NLRC5: variants seen among roughly 807,000 people sequenced by gnomAD.
The protein encoded by NLRC5 is NLR family CARD domain containing 5.
A neutral mutation model predicts 206.9 loss-of-function variants in NLRC5; 114 were observed. The observed-to-expected ratio is 0.55, with a 90% CI of 0.47 to 0.64. The LOEUF (loss-of-function observed/expected upper bound fraction) is 0.64, where lower values mean the gene tolerates loss of function less well. NLRC5 is among the 30% of genes least tolerant of loss of function. The pLI is 0.00. For synonymous variants in NLRC5, 952 were observed against 962.8 expected (o/e 0.99, Z 0.21); for missense variants, 2,008 against 2,305.5 (o/e 0.87, Z 2.64).
chr16:57,038,613 C>T (rs572473606), intron 15 of NLRC5, among the ~76,000 whole-genome samples: 1 of 151,880 alleles, frequency 6.6e-6, no homozygotes, highest in South Asian at 2.1e-4. Flanking sequence ...TATAATAAAG[C>T]TTTTCAAGAT....
At chr16:57,036,234 C>A in intron 14 of NLRC5, 51 bp downstream of exon 14, 1 of 1,554,048 alleles carries the variant, frequency 6.4e-7, no homozygotes. Flanking sequence ...TGTAGAGCCC[C>A]AGGAGGTCCC....
chr16:56,993,999 A>T (rs2057289924), intron 1 of NLRC5, among the ~76,000 whole-genome samples: 1 of 150,748 alleles, frequency 6.6e-6, no homozygotes, highest in Admixed American at 6.6e-5. Context: ...TGACATTTTA[A>T]TTCTTCCAAT....
chr16:57,025,913 G>T lies in NLRC5; in HGVS notation c.970G>T (p.Val324Phe). The T allele has an allele frequency of 6.2e-7, 1 of 1,614,202 alleles. No individual in the cohort carries two copies. Among genetic ancestry groups the T allele is most frequent in the Non-Finnish European group, 8.5e-7 (1 of 1,180,042 alleles). ...QPMGPDGPGP[V>F]LTLFSHLCNG... ...TATGGGTCCTGATGGCCCAGGCCCA[G>T]TCCTCACCCTTTTCTCCCATCTCTG... The change falls in exon 6 of 49, where the codon GTC (valine) becomes TTC (phenylalanine). Residue 324 changes from valine (V) to phenylalanine (F), a missense_variant. By Grantham distance (50) the Val-to-Phe change is conservative. Coordinates refer to ENST00000688547, the MANE Select transcript of NLRC5 (RefSeq NM_001384950.1).
At chr16:57,068,587 T>G (rs1241189551) in intron 36 of NLRC5, among the ~76,000 whole-genome samples, 1 of 152,218 alleles carries the variant, frequency 6.6e-6, no homozygotes, top group African/African-American at 2.4e-5. Flanking sequence ...TCATGTCCCT[T>G]TACCCGTTAA....
intron 3 of NLRC5, 83 bp from the exon 4 acceptor site, chr16:57,022,173 C>T: frequency 8.5e-7 from 1 of 1,174,990 alleles, no homozygotes; most frequent in Non-Finnish European, 1.2e-6. Context: ...TGAGATGAGC[C>T]CTGAGCCAGG....
At chr16:56,993,693 T>C (rs1160235697) in intron 1 of NLRC5, among the ~76,000 whole-genome samples, 2 of 152,204 alleles carry the variant, frequency 1.3e-5, no homozygotes, top group African/African-American at 4.8e-5. Context: ...TTTTCAAATA[T>C]TTAAGAGTCA....
intron 23 of NLRC5, 58 bp from the exon 24 acceptor site, chr16:57,051,480 G>A (rs751586545): frequency 1.9e-5 from 25 of 1,305,964 alleles, no homozygotes; most frequent in Non-Finnish European, 2.4e-5. Context: ...CTATGAGGCC[G>A]TGCTCCCTGC....
Position 57,021,054 on chromosome 16 carries a change from G to A in NLRC5, c.295+47G>A, listed in dbSNP as rs111249602. 313 of 1,578,956 alleles carry A rather than the reference G, an allele frequency of 2.0e-4. 1 individual carries two copies. The highest frequency in any genetic ancestry group is 5.2e-4 in the Middle Eastern group (3 of 5,822). ...GCAAAGCAGCCGGGCCAGTACCTGCGTCATGGGGAGCCGGGAGGAGCCCAG... is the reference window on the plus strand; with the variant it reads ...GCAAAGCAGCCGGGCCAGTACCTGCATCATGGGGAGCCGGGAGGAGCCCAG... On this transcript the variant is annotated intron_variant, in intron 3 of 48. Coordinates refer to ENST00000688547, the MANE Select transcript of NLRC5 (RefSeq NM_001384950.1).
At chr16:57,027,463 T>G (rs138967785) in intron 6 of NLRC5, among the ~76,000 whole-genome samples, 5 of 152,374 alleles carry the variant, frequency 3.3e-5, no homozygotes, top group Non-Finnish European at 4.4e-5. Flanking sequence ...AAAGGCTCAG[T>G]GTGCATATTA....
intron 39 of NLRC5, among the ~76,000 whole-genome samples, chr16:57,074,935 C>A (rs1438272869): frequency 6.7e-6 from 1 of 149,998 alleles, no homozygotes; most frequent in Non-Finnish European, 1.5e-5. Flanking sequence ...GGCACACACA[C>A]AGTTCACCCT....
At chr16:57,081,823 C>T (rs2069185817) in intron 48 of NLRC5, among the ~76,000 whole-genome samples, 1 of 152,222 alleles carries the variant, frequency 6.6e-6, no homozygotes, top group Non-Finnish European at 1.5e-5. Context: ...CATAACTCAA[C>T]CTCTCTGAAC....
chr16:57,067,269 G>A (rs1597425887), intron 34 of NLRC5, 118 bp from the exon 35 acceptor site: 6 of 817,714 alleles, frequency 7.3e-6, no homozygotes, highest in Middle Eastern at 4.7e-4. Context: ...GCAAACTGTA[G>A]GACTTCATTT....
chr16:57,019,704 C>A (rs1184237651), intron 2 of NLRC5, among the ~76,000 whole-genome samples: 1 of 152,182 alleles, frequency 6.6e-6, no homozygotes, highest in Non-Finnish European at 1.5e-5. Flanking sequence ...GAAGAATAGA[C>A]AACATTTCTA....
intron 1 of NLRC5, chr16:56,990,822 C>G (rs2056730608): frequency 6.6e-6 from 1 of 152,074 alleles, no homozygotes; most frequent in Non-Finnish European, 1.5e-5. Context: ...CTAGATGTAT[C>G]TGATGCTTTT....
chr16:57,041,426 G>T, intron 17 of NLRC5, 59 bp from the exon 18 acceptor site: 1 of 1,451,790 alleles, frequency 6.9e-7, no homozygotes, highest in South Asian at 1.2e-5. Flanking sequence ...GTGGGAAAGC[G>T]GCTCCTTCCC....
intron 32 of NLRC5, 124 bp downstream of exon 32, chr16:57,061,825 C>G: frequency 1.3e-6 from 2 of 1,536,228 alleles, no homozygotes; most frequent in Non-Finnish European, 1.7e-6. Context: ...ACCCTGCCAT[C>G]TGGACCCTGA....
rs11409789 is a variant in NLRC5 at position 57,036,092 on chromosome 16, C to CT, written c.2628-8_2628-7insT. 752,223 of 1,610,764 alleles carry CT rather than the reference C, an allele frequency of 0.47. 179,974 individuals carry two copies. The highest frequency in any genetic ancestry group is 0.64 in the African/African-American group (47,726 of 74,826). On this transcript the variant is annotated splice_polypyrimidine_tract_variant and splice_region_variant and intron_variant, in intron 13 of 48. Transcript: ENST00000688547. ...CCACAATACAGTGCATTGGGCCCCC[C>CT]GTCTCAGCCTCTCAGGGAACCAGCT...
intron 4 of NLRC5, among the ~76,000 whole-genome samples, chr16:57,022,840 T>C (rs553461578): frequency 9.9e-4 from 151 of 152,374 alleles, no homozygotes; most frequent in Non-Finnish European, 1.5e-3. Flanking sequence ...TACAGAAGCA[T>C]TGACTTTACT....
At position 57,020,738 on chromosome 16, in the gene NLRC5, G is replaced by A. The variant is rs1952855400; in HGVS notation, c.26G>A (p.Gly9Asp). The A allele has an allele frequency of 1.2e-6, 2 of 1,611,030 alleles. No individual in the cohort carries two copies. Among genetic ancestry groups the A allele is most frequent in the African/African-American group, 1.4e-5 (1 of 73,782 alleles). MDPVGLQLGNKNLWSCLVR... is the reference protein window; with the variant it reads MDPVGLQLDNKNLWSCLVR... ...ATGGACCCCGTTGGCCTCCAGCTCG[G>A]CAACAAGAACCTGTGGAGCTGTCTT... Residue 9 changes from glycine to aspartate, a missense_variant, in exon 3 of 49, where the codon GGC becomes GAC. Transcript: ENST00000688547.
Sources: gnomAD v4.1 joint callset for allele counts (sites outside exome capture counted in the v4.1 genomes callset) on GRCh38, gnomAD v4.1.1 for gene constraint, MANE v1.5 for transcripts, NCBI Gene and HGNC (gene_info 2026-07-23, HGNC 2026-07-21) for gene names.